SMOC2: variants seen among roughly 807,000 people sequenced by gnomAD.
The protein encoded by SMOC2 is SPARC-related modular calcium-binding protein 2.
SMOC2 carries 39 observed loss-of-function variants against 61.4 expected under a neutral mutation model. That is an observed-to-expected ratio of 0.64 (90% CI 0.49 to 0.83). SMOC2 has a LOEUF of 0.83. SMOC2 is among the 40% of genes least tolerant of loss of function. The pLI is 0.00. For synonymous variants in SMOC2, 247 were observed against 239.9 expected, an observed-to-expected ratio of 1.03 and a Z score of -0.27; for missense variants, 556 against 592.9, an observed-to-expected ratio of 0.94 and a Z score of 0.65.
intron 2 of SMOC2, among the ~76,000 whole-genome samples, chr6:168,525,346 C>T (rs757683449): frequency 4.6e-5 from 7 of 152,172 alleles, no homozygotes; most frequent in Non-Finnish European, 8.8e-5. Flanking sequence ...GCTTTCACTC[C>T]CTGGGCTGGA....
In SMOC2 at chr6:168,522,520, A is replaced by G. The variant is rs141990919; in HGVS notation, c.257-3826A>G. ...GAATATTATTCAGCCATAAAAAGGA[A>G]CATGGCTCTGAAACATGCTGTAACA... On this transcript the variant is annotated intron_variant, in intron 2 of 12. Transcript: ENST00000356284. Among the ~76,000 whole-genome samples the G allele has an allele frequency of 2.4e-4, 36 of 152,372 alleles. No homozygotes were observed. The East Asian group carries it at 5.0e-3, about 21-fold the overall frequency.
chr6:168,605,039 C>T (rs1785652284), intron 8 of SMOC2, among the ~76,000 whole-genome samples: 1 of 152,084 alleles, frequency 6.6e-6, no homozygotes, highest in Non-Finnish European at 1.5e-5. Flanking sequence ...CAGGTGGGAG[C>T]CGAGGGGCAA....
At chr6:168,542,990 C>T (rs554505257) in intron 4 of SMOC2, among the ~76,000 whole-genome samples, 140 of 152,270 alleles carry the variant, frequency 9.2e-4, no homozygotes, top group Admixed American at 2.5e-3. Flanking sequence ...AACTCTGAGA[C>T]GAACTATTTT....
rs115809954 is a variant in SMOC2, at chr6:168,655,935, G to A, written c.1285+2707G>A. Reference sequence around the variant, plus strand: ...ACACATGTACTGGATCCCACTGCGCGTGTGTGCTGGATCCCCCGTATGTGT... The same window carrying A: ...ACACATGTACTGGATCCCACTGCGCATGTGTGCTGGATCCCCCGTATGTGT... On this transcript the variant is annotated intron_variant, in intron 11 of 12. Coordinates refer to ENST00000356284, the MANE Select transcript of SMOC2 (RefSeq NM_001166412.2). Among the ~76,000 whole-genome samples, 1,321 of 151,002 alleles carry A rather than the reference G, an allele frequency of 8.7e-3. 17 individuals carry two copies. Among genetic ancestry groups the A allele is most frequent in the African/African-American group, 0.03 (1,230 of 41,148 alleles).
chr6:168,450,303 CT>C (rs926940653), intron 1 of SMOC2, among the ~76,000 whole-genome samples: 1 of 152,166 alleles, frequency 6.6e-6, no homozygotes, highest in Non-Finnish European at 1.5e-5. Context: ...GAGAATTCCT[CT>C]TGGATCCTAT....
At chr6:168,609,829 G>C (rs543906119) in intron 9 of SMOC2, among the ~76,000 whole-genome samples, 2 of 150,374 alleles carry the variant, frequency 1.3e-5, no homozygotes, top group Non-Finnish European at 3.0e-5. Flanking sequence ...TTTTTTTTTC[G>C]ATAGCACAAA....
At chr6:168,538,378 T>TG (rs1172059798) in intron 4 of SMOC2, among the ~76,000 whole-genome samples, 5 of 61,546 alleles carry the variant, frequency 8.1e-5, no homozygotes, top group Admixed American at 2.2e-4. Context: ...TGCTGGAATG[T>TG]GGGGAGTGGG....
At chr6:168,569,907 G>A (rs748360720) in intron 7 of SMOC2, among the ~76,000 whole-genome samples, 2 of 152,226 alleles carry the variant, frequency 1.3e-5, no homozygotes, top group Non-Finnish European at 2.9e-5. Flanking sequence ...CTTTGAGGTT[G>A]TCTTTAAAGA....
chr6:168,463,776 G>A (rs1781765133), intron 1 of SMOC2, among the ~76,000 whole-genome samples: 1 of 152,262 alleles, frequency 6.6e-6, no homozygotes, highest in South Asian at 2.1e-4. Flanking sequence ...TGTTGCTCAG[G>A]CATCATCTCT....
chr6:168,608,183 C>A lies in SMOC2; in HGVS notation c.851C>A (p.Thr284Lys). 6.2e-7 allele frequency: 1 copy of A among 1,613,868 alleles called. No individual in the cohort carries two copies. The highest frequency in any genetic ancestry group is 8.5e-7 in the Non-Finnish European group (1 of 1,179,948). The change falls in exon 9 of 13, where the codon ACG (threonine) becomes AAG (lysine). Residue 284 changes from threonine (T) to lysine (K), a missense_variant. Coordinates refer to ENST00000356284, the MANE Select transcript of SMOC2 (RefSeq NM_001166412.2). ...TRYEQPKCDN[T>K]ARAHPAKARD... ...TACGAGCAGCCGAAATGTGACAACA[C>A]GGCCAGGGCCCACCCAGCCAAAGCC...
At chr6:168,619,654 T>A (rs1177010555) in intron 9 of SMOC2, among the ~76,000 whole-genome samples, 3 of 152,164 alleles carry the variant, frequency 2.0e-5, no homozygotes, top group Admixed American at 6.5e-5. Flanking sequence ...AATTAAAACC[T>A]CCTATAACGC....
intron 9 of SMOC2, among the ~76,000 whole-genome samples, chr6:168,644,482 A>C (rs1786973428): frequency 6.6e-6 from 1 of 152,276 alleles, no homozygotes; most frequent in Admixed American, 6.5e-5. Context: ...ACCAGAAGAC[A>C]GATGCCCCTT....
At chr6:168,665,906 CTTTT>C (rs575714666) in intron 12 of SMOC2, among the ~76,000 whole-genome samples, 1 of 145,938 alleles carries the variant, frequency 6.9e-6, no homozygotes, top group African/African-American at 2.5e-5. Flanking sequence ...TCATATATTG[CTTTT>C]TTTTTTTCAT....
chr6:168,626,344 G>C (rs1474281495), intron 9 of SMOC2, among the ~76,000 whole-genome samples: 1 of 152,190 alleles, frequency 6.6e-6, no homozygotes, highest in African/African-American at 2.4e-5. Flanking sequence ...GCCAGCGTCT[G>C]TTTTTCCTCG....
chr6:168,608,242 G>A lies in SMOC2; in HGVS notation c.907+3G>A. On this transcript the variant is annotated splice_donor_region_variant and intron_variant, in intron 9 of 12. Coordinates refer to ENST00000356284, the MANE Select transcript of SMOC2 (RefSeq NM_001166412.2). ...GTACAAGGGCCGCCAGCTACAAGGTGAGCAGCACCCGCGAGTGTGGCCCGA... is the reference window on the plus strand; with the variant it reads ...GTACAAGGGCCGCCAGCTACAAGGTAAGCAGCACCCGCGAGTGTGGCCCGA... The A allele has an allele frequency of 6.2e-7, 1 of 1,611,490 alleles. No homozygotes were observed. Among genetic ancestry groups the A allele is most frequent in the African/African-American group, 1.3e-5 (1 of 75,012 alleles).
intron 7 of SMOC2, among the ~76,000 whole-genome samples, chr6:168,562,844 C>A (rs534398650): frequency 2.8e-4 from 43 of 152,278 alleles, no homozygotes; most frequent in Non-Finnish European, 4.3e-4. Context: ...TGGATCCCTC[C>A]AGGCCGTATT....
chr6:168,471,932 A>G lies in SMOC2; in HGVS notation c.84+30478A>G, dbSNP rs557378273. 5.3e-5 allele frequency among the ~76,000 whole-genome samples: 8 copies of G among 152,288 alleles called. No individual in the cohort carries two copies. In the South Asian group the frequency reaches 8.3e-4, roughly 16 times the overall value. On this transcript the variant is annotated intron_variant, in intron 1 of 12. Transcript: ENST00000356284. The stretch of plus-strand genomic sequence containing the variant: ...TTGTTGACTTGTATAAGTTCTTTGC[A>G]TATTCTGGATAGCAGTTGCTTTTTC...
At chr6:168,560,569 T>TGTGTTCTCGGAG in intron 7 of SMOC2, among the ~76,000 whole-genome samples, 1 of 131,878 alleles carries the variant, frequency 7.6e-6, no homozygotes, top group Non-Finnish European at 1.6e-5. Context: ...AGGCTCTCAC[T>TGTGTTCTCGGAG]GCATTCTTGG....
At chr6:168,651,133 A>C (rs1787181979) in intron 10 of SMOC2, among the ~76,000 whole-genome samples, 1 of 152,170 alleles carries the variant, frequency 6.6e-6, no homozygotes, top group African/African-American at 2.4e-5. Context: ...CATCGATTGG[A>C]TTGTAAATAC....
Sources: allele counts gnomAD v4.1 joint callset (sites outside exome capture counted in the v4.1 genomes callset), GRCh38; gene constraint gnomAD v4.1.1; transcripts MANE v1.5; gene names NCBI Gene and HGNC (gene_info 2026-07-23, HGNC 2026-07-21).